The following SLC6A9 variants were observed in gnomAD, a reference collection of about 807,000 sequenced individuals.
SLC6A9 encodes solute carrier family 6 member 9.
Under a neutral mutation model 70.9 loss-of-function variants are expected in SLC6A9, and 31 were observed. The ratio of observed to expected loss-of-function variants is 0.44; its 90% CI spans 0.33 to 0.59. The LOEUF (loss-of-function observed/expected upper bound fraction) is 0.59, where lower values mean the gene tolerates loss of function less well. Ranked by LOEUF, SLC6A9 falls within the 20% of genes least tolerant of loss-of-function variation. SLC6A9 has a pLI of 0.04. For missense variants in SLC6A9, 631 were observed against 845.2 expected (o/e 0.75, Z 3.14); for synonymous variants, 310 against 341.3 (o/e 0.91, Z 1.01).
chr1:44,010,593 TGGG>T, intron 3 of SLC6A9, 130 bp downstream of exon 3: 2 of 836,018 alleles, frequency 2.4e-6, no homozygotes, highest in Non-Finnish European at 3.7e-6. Context: ...AAGCCAGGGA[TGGG>T]GGCGAAGGAG....
At chr1:44,012,421 C>T (rs1324829275) in intron 2 of SLC6A9, among the ~76,000 whole-genome samples, 2 of 152,266 alleles carry the variant, frequency 1.3e-5, no homozygotes, top group Non-Finnish European at 2.9e-5. Context: ...ATGTGATCCT[C>T]ACACCCTCCA....
chr1:44,001,058 G>T lies in SLC6A9; in HGVS notation c.1336-3C>A, dbSNP rs2086080123. On this transcript the variant is annotated splice_polypyrimidine_tract_variant and splice_region_variant and intron_variant, in intron 10 of 13. Transcript: ENST00000372310. ...AGCAGCAGCCAATAGATGCCTGCCTGGGGAACAGCGGGCAGCTGTGGGAGG... is the reference window on the plus strand; with the variant it reads ...AGCAGCAGCCAATAGATGCCTGCCTTGGGAACAGCGGGCAGCTGTGGGAGG... 6.3e-7 allele frequency: 1 copy of T among 1,590,368 alleles called. No homozygotes were observed. The highest frequency in any genetic ancestry group is 8.6e-7 in the Non-Finnish European group (1 of 1,166,660).
intron 5 of SLC6A9, among the ~76,000 whole-genome samples, chr1:44,004,262 C>T (rs1032696839): frequency 6.6e-6 from 1 of 152,142 alleles, no homozygotes; most frequent in Non-Finnish European, 1.5e-5. Flanking sequence ...TCCCAAAGTG[C>T]TGGGATTACA....
chr1:44,030,035 G>C (rs1443421650), intron 1 of SLC6A9, among the ~76,000 whole-genome samples: 3 of 152,162 alleles, frequency 2.0e-5, no homozygotes, highest in Non-Finnish European at 4.4e-5. Context: ...CAAGCGTCCC[G>C]TCTCCTTTAA....
In SLC6A9 at chr1:44,002,475, C is replaced by T. The variant is rs1388858424; in HGVS notation, c.858+37G>A. On this transcript the variant is annotated intron_variant, in intron 7 of 13. Coordinates refer to ENST00000372310, the MANE Select transcript of SLC6A9 (RefSeq NM_001024845.3). This position sits in a 1 kb window ranked among gnomAD's most constrained non-coding sequence, Gnocchi z 5.5. ...GGCAGAGGCAGGCACCTCCCTGGCC[C>T]CTCCCCAGCCCCCTTCCGGTTTCCC... The T allele has an allele frequency of 1.2e-6, 2 of 1,613,722 alleles. No homozygotes were observed. The highest frequency in any genetic ancestry group is 1.7e-6 in the Non-Finnish European group (2 of 1,179,780).
chr1:44,011,425 T>G, intron 2 of SLC6A9: 2 of 718,416 alleles, frequency 2.8e-6, no homozygotes, highest in Non-Finnish European at 4.6e-6. Context: ...GGGCACAGAG[T>G]GGGCAGGGCT....
chr1:44,019,013 C>T (rs1460190720), intron 2 of SLC6A9, among the ~76,000 whole-genome samples: 1 of 152,238 alleles, frequency 6.6e-6, no homozygotes, highest in African/African-American at 2.4e-5. Context: ...CAAACCCTAG[C>T]TTTGTCAGTT....
At chr1:44,010,537 C>T (rs1024332101) in intron 3 of SLC6A9, 189 bp downstream of exon 3, 4 of 480,490 alleles carry the variant, frequency 8.3e-6, no homozygotes, top group African/African-American at 3.8e-5. Flanking sequence ...CCCCCAACAA[C>T]AGACTGCCAG....
At chr1:44,010,400 T>G (rs1322311690) in intron 3 of SLC6A9, 1 of 405,554 alleles carries the variant, frequency 2.5e-6, no homozygotes, top group African/African-American at 2.3e-5. Context: ...TCAACATCCC[T>G]GAACCATTTA....
Position 44,001,643 on chromosome 1 carries a change from AC to A in SLC6A9, c.963-17del. 1 of 1,591,674 alleles carries A rather than the reference AC, an allele frequency of 6.3e-7. No individual in the cohort carries two copies. The highest frequency in any genetic ancestry group is 1.7e-5 in the Admixed American group (1 of 59,056). On this transcript the variant is annotated splice_polypyrimidine_tract_variant and intron_variant, in intron 8 of 13. Coordinates refer to ENST00000372310, the MANE Select transcript of SLC6A9 (RefSeq NM_001024845.3). ...GACACTGTCCCTGATGGGGAGGAAA[AC>A]AGAGTTCAGCTTCCCTCTCCCCAAT... is the stretch of plus-strand genomic sequence containing the variant.
chr1:44,031,316 C>G lies in SLC6A9; in HGVS notation c.-96G>C, dbSNP rs201090813. ...CCCCAGCCCCCTTACCATGCTGCAG[C>G]CCCCGGCCCAGGCGTGCTGGGTCCG... On this transcript the variant is annotated 5_prime_UTR_variant, in exon 1 of 14. Coordinates refer to ENST00000372310, the MANE Select transcript of SLC6A9 (RefSeq NM_001024845.3). 6.6e-6 allele frequency: 1 copy of G among 152,200 alleles called. No individual in the cohort carries two copies. The highest frequency in any genetic ancestry group is 2.4e-5 in the African/African-American group (1 of 41,420). The allele number at this position is 152,200 out of a possible 1,614,324, so 9.4% of individuals were successfully genotyped here.
chr1:44,007,298 T>A (rs2086353708), intron 5 of SLC6A9, among the ~76,000 whole-genome samples: 1 of 152,174 alleles, frequency 6.6e-6, no homozygotes, highest in African/African-American at 2.4e-5. Flanking sequence ...TGTGAGCTCC[T>A]CAGGACAGGG....
intron 2 of SLC6A9, chr1:44,017,027 C>G (rs1439841762): frequency 6.4e-7 from 1 of 1,564,668 alleles, no homozygotes; most frequent in Admixed American, 2.0e-5. Context: ...GGGGGCTCAA[C>G]TTCCTGGAAG....
intron 2 of SLC6A9, among the ~76,000 whole-genome samples, chr1:44,011,265 C>G (rs1557683661): frequency 6.6e-6 from 1 of 152,132 alleles, no homozygotes; most frequent in Non-Finnish European, 1.5e-5. Context: ...ACCAAGCAGC[C>G]AAGTCAGGCT....
At chr1:44,015,573 C>G (rs2086712290) in intron 2 of SLC6A9, among the ~76,000 whole-genome samples, 1 of 152,242 alleles carries the variant, frequency 6.6e-6, no homozygotes, top group Non-Finnish European at 1.5e-5. Context: ...TTCTCTAAGC[C>G]CCAATGGGGA....
Position 44,002,978 on chromosome 1 carries a change from C to T in SLC6A9, c.598G>A (p.Val200Met), listed in dbSNP as rs762687825. 7.4e-6 allele frequency: 12 copies of T among 1,614,106 alleles called. No individual in the cohort carries two copies. The highest frequency in any genetic ancestry group is 1.0e-5 in the Non-Finnish European group (12 of 1,180,006). The change falls in exon 6 of 14, where the codon GTG becomes ATG. Residue 200 changes from valine (V) to methionine (M), a missense_variant. Physicochemically the swap from Val to Met is conservative, Grantham distance 21 (BLOSUM62 1). Coordinates refer to ENST00000372310, the MANE Select transcript of SLC6A9 (RefSeq NM_001024845.3). The surrounding 1 kb of genome is among the most constrained non-coding windows in gnomAD (Gnocchi z 5.5). The part of the protein sequence containing the change: ...SPSEEYWRLY[V>M]LKLSDDIGNF... Reference sequence around the variant, plus strand: ...CCAATGTCATCTGACAGCTTCAGCACGTACAGCCTGGGAAGGGGAGACTCT... The same window carrying T: ...CCAATGTCATCTGACAGCTTCAGCATGTACAGCCTGGGAAGGGGAGACTCT...
In SLC6A9 at chr1:44,002,658, G is replaced by A; in HGVS notation, c.724-12C>T. The A allele has an allele frequency of 6.2e-7, 1 of 1,614,048 alleles. No individual in the cohort carries two copies. Among genetic ancestry groups the A allele is most frequent in the East Asian group, 2.2e-5 (1 of 44,874 alleles). On this transcript the variant is annotated splice_polypyrimidine_tract_variant and intron_variant, in intron 6 of 13. Transcript: ENST00000372310. This position sits in a 1 kb window ranked among gnomAD's most constrained non-coding sequence, Gnocchi z 5.5. Reference sequence around the variant, plus strand: ...GTGAAGTACACCACCTGGCACAAGAGGGCTCCATGGACTCTTCTGGGCTCT... The same window carrying A: ...GTGAAGTACACCACCTGGCACAAGAAGGCTCCATGGACTCTTCTGGGCTCT...
rs1211172132 is a variant in SLC6A9, at chr1:44,018,194, C to T, written c.30+6054G>A. On this transcript the variant is annotated intron_variant, in intron 2 of 13. Coordinates refer to ENST00000372310, the MANE Select transcript of SLC6A9 (RefSeq NM_001024845.3). The surrounding 1 kb of genome is among the most constrained non-coding windows in gnomAD (Gnocchi z 4.2). ...TCAGGAAATATCAGTCAGATGGACA[C>T]GTGCATGAATTCTGGTGTAAGAACA... Among the ~76,000 whole-genome samples, 4 of 152,184 alleles carry T rather than the reference C, an allele frequency of 2.6e-5. No homozygotes were observed. The highest frequency in any genetic ancestry group is 1.5e-5 in the Non-Finnish European group (1 of 68,038).
chr1:44,008,321 T>TC, intron 5 of SLC6A9, 32 bp downstream of exon 5: 1 of 1,609,456 alleles, frequency 6.2e-7, no homozygotes. Context: ...GCCACCAGGT[T>TC]CCCCCCACCC....
Sources: gnomAD v4.1 joint callset for allele counts (sites outside exome capture counted in the v4.1 genomes callset) on GRCh38, gnomAD v4.1.1 for gene constraint, Gnocchi (gnomAD v3.1) non-coding constraint, MANE v1.5 for transcripts, NCBI Gene and HGNC (gene_info 2026-07-23, HGNC 2026-07-21) for gene names.